The following NTF3 variants were observed in gnomAD, a reference collection of about 807,000 sequenced individuals.
The protein encoded by NTF3 is neurotrophin 3, also known as neurotrophin-3.
NTF3 carries 8 observed loss-of-function variants against 26.3 expected under a neutral mutation model. The observed-to-expected ratio is 0.30, with a 90% CI of 0.18 to 0.55. The LOEUF (loss-of-function observed/expected upper bound fraction) is 0.55, where lower values mean the gene tolerates loss of function less well. Among genes scored for constraint, NTF3 ranks in the 20% least tolerant of loss-of-function variants. The probability of loss-of-function intolerance (pLI) is 0.93; values close to 1 mark genes in which losing one functional copy is unlikely to be tolerated. For missense variants in NTF3, 276 were observed against 352.9 expected (o/e 0.78, Z 1.75); for synonymous variants, 154 against 145.5 (o/e 1.06, Z -0.42).
At chr12:5,431,423 A>G (rs1591586723), upstream of NTF3, among the ~76,000 whole-genome samples, 1 of 151,730 alleles carries the variant, frequency 6.6e-6, no homozygotes, top group South Asian at 2.1e-4. Context: ...CCCTCGGACC[A>G]CCCGCCCCCA....
At chr12:5,432,726 A>C (rs11836222) in intron 1 of NTF3, among the ~76,000 whole-genome samples, 84,702 of 151,142 alleles carry the variant, frequency 0.56, 24,224 homozygotes, top group Non-Finnish European at 0.59. Context: ...TGGGGGCAGA[A>C]GAGGGGAAAT....
intron 1 of NTF3, among the ~76,000 whole-genome samples, chr12:5,453,249 A>G (rs1246584524): frequency 2.0e-5 from 3 of 152,222 alleles, no homozygotes; most frequent in African/African-American, 7.2e-5. Flanking sequence ...TTTGACTCTC[A>G]AAGCCAGTTG....
At chr12:5,472,308 A>G (rs149114257) in intron 1 of NTF3, among the ~76,000 whole-genome samples, 115 of 152,324 alleles carry the variant, frequency 7.5e-4, no homozygotes, top group African/African-American at 2.7e-3. Context: ...CAGAAATCAT[A>G]GAATGGCAGG....
chr12:5,434,697 TGAA>T (rs1358656172), intron 1 of NTF3, among the ~76,000 whole-genome samples: 1 of 152,096 alleles, frequency 6.6e-6, no homozygotes, highest in Non-Finnish European at 1.5e-5. Flanking sequence ...TGCAGCCTGT[TGAA>T]GACAGATGGC....
At chr12:5,470,545 G>T (rs997822105) in intron 1 of NTF3, among the ~76,000 whole-genome samples, 1 of 152,212 alleles carries the variant, frequency 6.6e-6, no homozygotes, top group African/African-American at 2.4e-5. Flanking sequence ...TGAGCCATCC[G>T]TGTAGTTCCT....
At chr12:5,480,019 A>G (rs996868967) in intron 1 of NTF3, among the ~76,000 whole-genome samples, 1 of 152,216 alleles carries the variant, frequency 6.6e-6, no homozygotes, top group Non-Finnish European at 1.5e-5. Context: ...TCTCAAGGAA[A>G]AAGAACTATA....
At chr12:5,442,226 A>G (rs1181255057) in intron 1 of NTF3, among the ~76,000 whole-genome samples, 1 of 152,168 alleles carries the variant, frequency 6.6e-6, no homozygotes, top group Non-Finnish European at 1.5e-5. Flanking sequence ...TTTTAGTACA[A>G]ACCATGATTG....
chr12:5,486,564 A>G (rs1029198429), intron 1 of NTF3, among the ~76,000 whole-genome samples: 2 of 152,222 alleles, frequency 1.3e-5, no homozygotes, highest in African/African-American at 4.8e-5. Flanking sequence ...CAACGTATAC[A>G]CTAGACCATA....
intron 1 of NTF3, among the ~76,000 whole-genome samples, chr12:5,469,231 G>A (rs1940633966): frequency 6.6e-6 from 1 of 152,184 alleles, no homozygotes; most frequent in Admixed American, 6.5e-5. Flanking sequence ...GAGAGAAAAG[G>A]GTTTTTGTGA....
At chr12:5,464,066 G>T (rs1275156031) in intron 1 of NTF3, among the ~76,000 whole-genome samples, 1 of 152,188 alleles carries the variant, frequency 6.6e-6, no homozygotes, top group Admixed American at 6.5e-5. Flanking sequence ...CACTGGCCCA[G>T]TACCCTTTAC....
At chr12:5,440,974 C>T (rs1420355506) in intron 1 of NTF3, among the ~76,000 whole-genome samples, 2 of 152,194 alleles carry the variant, frequency 1.3e-5, no homozygotes, top group Non-Finnish European at 2.9e-5. Flanking sequence ...GTTTATGAAG[C>T]ACTGAAGAAA....
Position 5,456,613 on chromosome 12 carries a change from AC to A in NTF3, c.18+24276del, listed in dbSNP as rs920704671. 3.8e-3 allele frequency among the ~76,000 whole-genome samples: 562 copies of A among 148,614 alleles called. 2 individuals carry two copies. The highest frequency in any genetic ancestry group is 0.013 in the African/African-American group (526 of 40,552). ...GCTCTGGGGGTCCTCTTCCACCCCC[AC>A]CCCCACCCCCAGCCCCTGGAGCAGG... is the stretch of plus-strand genomic sequence containing the variant. On this transcript the variant is annotated intron_variant, in intron 1 of 1. Transcript: ENST00000423158. This position sits in a 1 kb window ranked among gnomAD's most constrained non-coding sequence, Gnocchi z 4.4.
chr12:5,485,792 A>G (rs1023526379), intron 1 of NTF3, among the ~76,000 whole-genome samples: 1 of 152,152 alleles, frequency 6.6e-6, no homozygotes, highest in Admixed American at 6.5e-5. Flanking sequence ...TCCAGTTTTG[A>G]TGGAAGATTG....
chr12:5,480,514 G>C (rs1190830250), intron 1 of NTF3, among the ~76,000 whole-genome samples: 1 of 152,164 alleles, frequency 6.6e-6, no homozygotes, highest in Non-Finnish European at 1.5e-5. Context: ...GGGCGGGCTG[G>C]AGCAAAGGCA....
rs530162491 is a variant in NTF3 at position 5,470,039 on chromosome 12, C to G, written c.19-24155C>G. 6.6e-5 allele frequency among the ~76,000 whole-genome samples: 10 copies of G among 152,352 alleles called. No homozygotes were observed. In the South Asian group the frequency reaches 2.1e-3, roughly 32 times the overall value. ...TCCCGGGTTCACTCCATTCTCCTAC[C>G]TCAGCCTCCTGAGTAGCTGGGACTA... On this transcript the variant is annotated intron_variant, in intron 1 of 1. Transcript: ENST00000423158.
intron 1 of NTF3, among the ~76,000 whole-genome samples, chr12:5,444,030 A>G (rs1940272854): frequency 6.6e-6 from 1 of 152,040 alleles, no homozygotes; most frequent in South Asian, 2.1e-4. Flanking sequence ...TTTCCCTTTT[A>G]CTTTTTGGCT....
Position 5,432,129 on chromosome 12 carries a change from C to A in NTF3, c.-196C>A. 1 of 668,246 alleles carries A rather than the reference C, an allele frequency of 1.5e-6. No homozygotes were observed. Among genetic ancestry groups the A allele is most frequent in the Non-Finnish European group, 2.7e-6 (1 of 370,182 alleles). The allele number at this position is 668,246 out of a possible 1,614,324, so 41.4% of individuals were successfully genotyped here. ...CGGGACTCAGAGTTGAAGCTCCTCTCCCTTCCGAACAGCTCCGCGCACCGC... is the reference window on the plus strand; with the variant it reads ...CGGGACTCAGAGTTGAAGCTCCTCTACCTTCCGAACAGCTCCGCGCACCGC... On this transcript the variant is annotated 5_prime_UTR_variant, in exon 1 of 2. Transcript: ENST00000423158.
At chr12:5,491,739 A>C (rs932084461) in intron 1 of NTF3, among the ~76,000 whole-genome samples, 1 of 40,616 alleles carries the variant, frequency 2.5e-5, no homozygotes, top group African/African-American at 9.0e-5. Context: ...TTTTTTTTTG[A>C]ATTGGAGTCT....
At chr12:5,435,893 G>C (rs1940162135) in intron 1 of NTF3, among the ~76,000 whole-genome samples, 1 of 152,228 alleles carries the variant, frequency 6.6e-6, no homozygotes, top group Admixed American at 6.5e-5. Flanking sequence ...AACTAGCGAG[G>C]TGGATAGGAG....
Sources: allele counts gnomAD v4.1 joint callset (sites outside exome capture counted in the v4.1 genomes callset), GRCh38; gene constraint gnomAD v4.1.1; non-coding constraint Gnocchi (gnomAD v3.1); transcripts MANE v1.5; gene names NCBI Gene and HGNC (gene_info 2026-07-23, HGNC 2026-07-21).